The following TMEM132B variants were observed in gnomAD, a reference collection of about 807,000 sequenced individuals.
The protein encoded by TMEM132B is transmembrane protein 132B.
In TMEM132B, 18 loss-of-function variants were observed where a neutral mutation model predicts 90.8. That is an observed-to-expected ratio of 0.20 (90% CI 0.14 to 0.29). The LOEUF (loss-of-function observed/expected upper bound fraction) is 0.29, where lower values mean the gene tolerates loss of function less well. Ranked by LOEUF, TMEM132B falls within the 10% of genes least tolerant of loss-of-function variation. The pLI is 1.00. For synonymous variants in TMEM132B, 504 were observed against 523.3 expected (o/e 0.96, Z 0.50); for missense variants, 1,096 against 1,326.8 (o/e 0.83, Z 2.70).
Position 125,567,759 on chromosome 12 carries a change from A to C in TMEM132B, c.1294-16092A>C, listed in dbSNP as rs565645751. On this transcript the variant is annotated intron_variant, in intron 4 of 8. Coordinates refer to ENST00000682704, the MANE Select transcript of TMEM132B (RefSeq NM_001366854.1). ...ACAGCCAGAAGCTGTGTGAAATTTT[A>C]ATGTAGCTCAAGCTGGATGAGAAGA... Among the ~76,000 whole-genome samples, 54 of 152,256 alleles carry C rather than the reference A, an allele frequency of 3.5e-4. 1 individual carries two copies. The highest frequency in any genetic ancestry group is 1.2e-3 in the African/African-American group (49 of 41,534).
chr12:125,351,205 C>T (rs1177235104), intron 2 of TMEM132B, among the ~76,000 whole-genome samples: 2 of 152,236 alleles, frequency 1.3e-5, no homozygotes, highest in Non-Finnish European at 2.9e-5. Flanking sequence ...CTCAACTCTG[C>T]TGTTGCAGCA....
chr12:125,632,574 G>A (rs1489080248), intron 5 of TMEM132B, among the ~76,000 whole-genome samples: 2 of 152,012 alleles, frequency 1.3e-5, no homozygotes, highest in East Asian at 3.9e-4. Context: ...TACAGGACAG[G>A]CCTGATGATG....
At chr12:125,358,015 T>G (rs1349856020) in intron 2 of TMEM132B, among the ~76,000 whole-genome samples, 1 of 152,174 alleles carries the variant, frequency 6.6e-6, no homozygotes, top group Admixed American at 6.5e-5. Context: ...TATGTAGTGG[T>G]CTTTGATTGT....
chr12:125,343,964 T>C (rs1877276401), intron 1 of TMEM132B, among the ~76,000 whole-genome samples: 1 of 152,238 alleles, frequency 6.6e-6, no homozygotes, highest in South Asian at 2.1e-4. Flanking sequence ...GAGAGATTTA[T>C]TCTCTCAAGC....
Position 125,277,524 on chromosome 12 carries a change from CACACAT to C in TMEM132B, c.68-71922_68-71917del, listed in dbSNP as rs968754081. ...GAGAACACACACACACACACACACA[CACACAT>C]ACACACACACACGGGAAGGCCATGT... On this transcript the variant is annotated intron_variant, in intron 1 of 8. Transcript: ENST00000682704. The surrounding 1 kb of genome is among the most constrained non-coding windows in gnomAD (Gnocchi z 4.3). 6.6e-6 allele frequency among the ~76,000 whole-genome samples: 1 copy of C among 151,302 alleles called. No homozygotes were observed. The highest frequency in any genetic ancestry group is 2.4e-5 in the African/African-American group (1 of 41,054).
intron 5 of TMEM132B, among the ~76,000 whole-genome samples, chr12:125,601,750 A>T (rs1421249905): frequency 6.6e-6 from 1 of 152,006 alleles, no homozygotes; most frequent in Non-Finnish European, 1.5e-5. Flanking sequence ...AGAAGAATCA[A>T]ATAGACACAA....
At chr12:125,206,073 T>A (rs1008750295) in intron 1 of TMEM132B, among the ~76,000 whole-genome samples, 4 of 152,036 alleles carry the variant, frequency 2.6e-5, no homozygotes, top group Admixed American at 2.6e-4. Context: ...GGATAGAGGG[T>A]GGGACTGCCC....
intron 5 of TMEM132B, among the ~76,000 whole-genome samples, chr12:125,617,924 G>C (rs1024014480): frequency 7.3e-5 from 11 of 150,234 alleles, no homozygotes; most frequent in Non-Finnish European, 1.5e-4. Flanking sequence ...CTCACCTGCA[G>C]CTGCCAGTCC....
At chr12:125,273,816 C>T (rs1874913094) in intron 1 of TMEM132B, among the ~76,000 whole-genome samples, 1 of 152,158 alleles carries the variant, frequency 6.6e-6, no homozygotes, top group African/African-American at 2.4e-5. Flanking sequence ...CAGGCACATA[C>T]CACCACACGG....
chr12:125,549,856 G>A (rs891133254), intron 4 of TMEM132B, among the ~76,000 whole-genome samples: 1 of 152,188 alleles, frequency 6.6e-6, no homozygotes, highest in Non-Finnish European at 1.5e-5. Context: ...TGTGAGGTAT[G>A]ATAGGACTCT....
Position 125,650,830 on chromosome 12 carries a change from C to T in TMEM132B, c.1791C>T (p.Pro597=), listed in dbSNP as rs370037708. ...GGCAGCTGACCTACATGCTGGGCCC[C>T]GACTGGCAGTTTGACATCACTGACC... ...DLGQLTYMLG[P]DWQFDITDLV... is the part of the protein sequence containing the mutation. Residue 597 remains proline (P), a synonymous_variant, in exon 7 of 9, where the codon CCC becomes CCT. Coordinates refer to ENST00000682704, the MANE Select transcript of TMEM132B (RefSeq NM_001366854.1). 75 of 1,614,168 alleles carry T rather than the reference C, an allele frequency of 4.6e-5. No individual in the cohort carries two copies. In the African/African-American group the frequency reaches 6.7e-4, roughly 14 times the overall value.
chr12:125,399,905 G>C (rs778671325), intron 2 of TMEM132B, among the ~76,000 whole-genome samples: 5 of 152,206 alleles, frequency 3.3e-5, no homozygotes, highest in Admixed American at 6.5e-5. Flanking sequence ...AGGCAAACAG[G>C]TTGAGGATCA....
At position 125,490,265 on chromosome 12, in the gene TMEM132B, A is replaced by T. The variant is rs1270131387; in HGVS notation, c.1107-29174A>T. On this transcript the variant is annotated intron_variant, in intron 3 of 8. Transcript: ENST00000682704. The surrounding 1 kb of genome is among the most constrained non-coding windows in gnomAD (Gnocchi z 4.2). ...CAATGTAGATGTTATCCTCATTTACAGATGAGGAAACTGAAGCGTGAAGAG... is the reference window on the plus strand; with the variant it reads ...CAATGTAGATGTTATCCTCATTTACTGATGAGGAAACTGAAGCGTGAAGAG... Among the ~76,000 whole-genome samples, 1 of 152,194 alleles carries T rather than the reference A, an allele frequency of 6.6e-6. No individual in the cohort carries two copies. The highest frequency in any genetic ancestry group is 1.5e-5 in the Non-Finnish European group (1 of 68,036).
At chr12:125,535,617 T>A (rs1017261278) in intron 4 of TMEM132B, among the ~76,000 whole-genome samples, 6 of 152,184 alleles carry the variant, frequency 3.9e-5, no homozygotes, top group Admixed American at 6.5e-5. Flanking sequence ...ACTCCTGGGA[T>A]GAAGGTATTG....
chr12:125,186,575 C>A lies in TMEM132B; in HGVS notation c.-225C>A, dbSNP rs1374669865. 1.4e-5 allele frequency among the ~76,000 whole-genome samples: 2 copies of A among 146,794 alleles called. No homozygotes were observed. Among genetic ancestry groups the A allele is most frequent in the African/African-American group, 4.9e-5 (2 of 40,912 alleles). On this transcript the variant is annotated 5_prime_UTR_variant, in exon 1 of 9. Coordinates refer to ENST00000682704, the MANE Select transcript of TMEM132B (RefSeq NM_001366854.1). This position sits in a 1 kb window ranked among gnomAD's most constrained non-coding sequence, Gnocchi z 6.3. The stretch of plus-strand genomic sequence containing the variant: ...GCGCGGGGCGCTGAGCCTCGGCCGC[C>A]CCAGCTCCCCAGCCACGCACGGCCG...
chr12:125,269,599 T>C (rs1281337859), intron 1 of TMEM132B, among the ~76,000 whole-genome samples: 2 of 152,154 alleles, frequency 1.3e-5, no homozygotes, highest in Admixed American at 1.3e-4. Context: ...TTAAACAAAA[T>C]GAGAAATCCT....
intron 4 of TMEM132B, among the ~76,000 whole-genome samples, chr12:125,569,212 T>C (rs2136823151): frequency 6.6e-6 from 1 of 152,246 alleles, no homozygotes; most frequent in South Asian, 2.1e-4. Flanking sequence ...CAAGCTGGCA[T>C]TTCCCCCAGT....
At chr12:125,260,820 G>A (rs544026885) in intron 1 of TMEM132B, among the ~76,000 whole-genome samples, 2 of 152,306 alleles carry the variant, frequency 1.3e-5, no homozygotes, top group African/African-American at 2.4e-5. Flanking sequence ...GGAGGGCGAC[G>A]TTGGAAGATC....
intron 8 of TMEM132B, 61 bp downstream of exon 8, chr12:125,652,693 A>G (rs910167085): frequency 5.4e-5 from 83 of 1,536,926 alleles, no homozygotes; most frequent in Non-Finnish European, 6.9e-5. Flanking sequence ...CTCAGTTAGC[A>G]CATCCTGCGA....
Sources: allele counts gnomAD v4.1 joint callset (sites outside exome capture counted in the v4.1 genomes callset), GRCh38; gene constraint gnomAD v4.1.1; non-coding constraint Gnocchi (gnomAD v3.1); transcripts MANE v1.5; gene names NCBI Gene and HGNC (gene_info 2026-07-23, HGNC 2026-07-21).